NME7: variants seen among roughly 807,000 people sequenced by gnomAD.
The protein encoded by NME7 is NME/NM23 family member 7.
In NME7, 41 loss-of-function variants were observed where a neutral mutation model predicts 49.1. The observed-to-expected ratio is 0.83, with a 90% CI of 0.65 to 1.08. The LOEUF is 1.08. NME7 is among the 50% of genes least tolerant of loss of function. The pLI is 0.00. For synonymous variants in NME7, 139 were observed against 150.6 expected, an observed-to-expected ratio of 0.92 and a Z score of 0.56; for missense variants, 423 against 463.4, an observed-to-expected ratio of 0.91 and a Z score of 0.80.
chr1:169,297,598 A>C (rs551555028), intron 6 of NME7, among the ~76,000 whole-genome samples: 2 of 152,284 alleles, frequency 1.3e-5, no homozygotes, highest in East Asian at 3.9e-4. Flanking sequence ...AGATTGATCA[A>C]AGATACAGTT....
At chr1:169,232,761 A>G (rs1472833100) in intron 9 of NME7, among the ~76,000 whole-genome samples, 1 of 152,046 alleles carries the variant, frequency 6.6e-6, no homozygotes, top group Non-Finnish European at 1.5e-5. Flanking sequence ...GAAATATTAA[A>G]GGAAGTTCTT....
chr1:169,324,811 A>G (rs1054458476), intron 1 of NME7, among the ~76,000 whole-genome samples: 1 of 152,236 alleles, frequency 6.6e-6, no homozygotes, highest in African/African-American at 2.4e-5. Flanking sequence ...TTACTATTGT[A>G]ACAATTCAGT....
At chr1:169,287,179 C>T (rs561066082) in intron 7 of NME7, 124 bp downstream of exon 7, 1 of 776,496 alleles carries the variant, frequency 1.3e-6, no homozygotes, top group South Asian at 1.7e-5. Flanking sequence ...TACTCAAGTG[C>T]CTTCAAAGAA....
At chr1:169,314,916 G>C (rs954881696) in intron 3 of NME7, among the ~76,000 whole-genome samples, 20 of 152,132 alleles carry the variant, frequency 1.3e-4, no homozygotes, top group Non-Finnish European at 1.9e-4. Context: ...TAATATCAGA[G>C]AAAGTACAGT....
intron 7 of NME7, among the ~76,000 whole-genome samples, chr1:169,282,148 G>T (rs142990106): frequency 3.3e-5 from 5 of 152,214 alleles, no homozygotes; most frequent in African/African-American, 1.2e-4. Context: ...TCTGTTCAGG[G>T]GTTCTACTTC....
intron 11 of NME7, among the ~76,000 whole-genome samples, chr1:169,144,630 G>C (rs749722463): frequency 2.8e-4 from 43 of 152,176 alleles, no homozygotes; most frequent in Non-Finnish European, 5.9e-4. Flanking sequence ...TAAATTCTTT[G>C]AGAATGAGGA....
chr1:169,198,342 CA>C (rs1281825242), intron 10 of NME7, among the ~76,000 whole-genome samples: 11 of 152,024 alleles, frequency 7.2e-5, no homozygotes, highest in African/African-American at 2.4e-4. Context: ...TATAACTCAG[CA>C]ATACTACTAT....
At chr1:169,253,306 T>A (rs1298135046) in intron 7 of NME7, among the ~76,000 whole-genome samples, 4 of 149,284 alleles carry the variant, frequency 2.7e-5, no homozygotes, top group Admixed American at 2.7e-4. Flanking sequence ...TCCTAGGTAT[T>A]TTATTCTCTT....
chr1:169,149,460 C>A (rs1436302049), intron 11 of NME7, among the ~76,000 whole-genome samples: 1 of 152,044 alleles, frequency 6.6e-6, no homozygotes, highest in African/African-American at 2.4e-5. Flanking sequence ...CCCCCTTATC[C>A]CTAGGGGATA....
intron 1 of NME7, among the ~76,000 whole-genome samples, chr1:169,356,547 CA>C (rs1653473597): frequency 6.6e-6 from 1 of 151,992 alleles, no homozygotes; most frequent in African/African-American, 2.4e-5. Context: ...AAGGCTAAAC[CA>C]AAAAGAATTG....
intron 11 of NME7, among the ~76,000 whole-genome samples, chr1:169,146,732 C>T (rs1473888409): frequency 6.6e-6 from 1 of 152,188 alleles, no homozygotes; most frequent in African/African-American, 2.4e-5. Flanking sequence ...TACTGATAAA[C>T]AGAGGCTAGG....
chr1:169,224,297 C>A (rs1459638263), intron 10 of NME7, among the ~76,000 whole-genome samples: 1 of 152,196 alleles, frequency 6.6e-6, no homozygotes, highest in Non-Finnish European at 1.5e-5. Flanking sequence ...CACAGGCCCT[C>A]CTCTCTGTGC....
chr1:169,217,564 C>T (rs182691791), intron 10 of NME7, among the ~76,000 whole-genome samples: 6 of 152,216 alleles, frequency 3.9e-5, no homozygotes, highest in Admixed American at 2.0e-4. Flanking sequence ...GTATTACATT[C>T]GTATTGGATA....
intron 1 of NME7, among the ~76,000 whole-genome samples, chr1:169,354,893 T>C (rs1653330134): frequency 8.0e-6 from 1 of 124,942 alleles, no homozygotes; most frequent in South Asian, 2.2e-4. Context: ...ATATAATGAA[T>C]ATAATATAAA....
intron 7 of NME7, among the ~76,000 whole-genome samples, chr1:169,279,915 G>T (rs35639586): frequency 4.6e-5 from 7 of 152,124 alleles, no homozygotes; most frequent in Admixed American, 4.6e-4. Flanking sequence ...ATAGTGCTGC[G>T]TTAACATACA....
intron 7 of NME7, among the ~76,000 whole-genome samples, chr1:169,239,608 T>C (rs1276198835): frequency 6.6e-6 from 1 of 151,962 alleles, no homozygotes; most frequent in Admixed American, 6.6e-5. Flanking sequence ...AATGGCTGAA[T>C]GAGTAAAATA....
chr1:169,288,890 A>G (rs1019224832), intron 6 of NME7, among the ~76,000 whole-genome samples: 7 of 152,174 alleles, frequency 4.6e-5, no homozygotes, highest in Non-Finnish European at 7.4e-5. Flanking sequence ...CAGATGATCA[A>G]TGAAGGAATG....
At chr1:169,207,666 T>TA (rs1173420046) in intron 10 of NME7, among the ~76,000 whole-genome samples, 2 of 152,098 alleles carry the variant, frequency 1.3e-5, no homozygotes, top group Non-Finnish European at 2.9e-5. Flanking sequence ...TGCAAGTATT[T>TA]ATGAGTTTTG....
intron 7 of NME7, among the ~76,000 whole-genome samples, chr1:169,281,416 C>T (rs1326557149): frequency 6.6e-6 from 1 of 152,222 alleles, no homozygotes; most frequent in Non-Finnish European, 1.5e-5. Context: ...AATTTGACTT[C>T]TTCTCTTCCT....
Sources: gnomAD v4.1 joint callset for allele counts (sites outside exome capture counted in the v4.1 genomes callset) on GRCh38, gnomAD v4.1.1 for gene constraint, MANE v1.5 for transcripts, NCBI Gene and HGNC (gene_info 2026-07-23, HGNC 2026-07-21) for gene names.